RYR3: variants seen among roughly 807,000 people sequenced by gnomAD.
RYR3 encodes ryanodine receptor 3.
RYR3 carries 207 observed loss-of-function variants against 584.3 expected under a neutral mutation model. That is an observed-to-expected ratio of 0.35 (90% CI 0.32 to 0.40). The LOEUF (loss-of-function observed/expected upper bound fraction) is 0.40. Among genes scored for constraint, RYR3 ranks in the 10% least tolerant of loss-of-function variants. RYR3 has a pLI of 1.00. For synonymous variants in RYR3, 2,416 were observed against 2,248.5 expected, an observed-to-expected ratio of 1.07 and a Z score of -2.11; for missense variants, 5,616 against 6,089.2, an observed-to-expected ratio of 0.92 and a Z score of 2.59.
At position 33,861,387 on chromosome 15, in the gene RYR3, GC is replaced by G. The variant is rs199954831; in HGVS notation, c.14465+213del. Among the ~76,000 whole-genome samples the G allele has an allele frequency of 9.0e-3, 1,374 of 152,098 alleles. 17 individuals are homozygous for G. The highest frequency in any genetic ancestry group is 0.031 in the African/African-American group (1,286 of 41,466). The stretch of plus-strand genomic sequence containing the variant: ...AATTCCCGCTCCTAGCAAAAGGCCA[GC>G]CCCTCAACCTGTGATTGGATTCCAT... On this transcript the variant is annotated intron_variant, in intron 102 of 103. Transcript: ENST00000634891.
intron 87 of RYR3, 24 bp downstream of exon 87, chr15:33,835,096 G>C (rs1047520504): frequency 1.9e-6 from 3 of 1,544,952 alleles, no homozygotes; most frequent in South Asian, 2.2e-5. Flanking sequence ...TTCCCTGCAC[G>C]TGTCATTGTT....
At chr15:33,585,924 C>T in intron 15 of RYR3, 74 bp from the exon 16 acceptor site, 1 of 831,644 alleles carries the variant, frequency 1.2e-6, no homozygotes, top group Non-Finnish European at 2.1e-6. Context: ...ACTGTTCATA[C>T]TCAGGTTTCT....
chr15:33,779,904 G>A (rs1367060294), intron 64 of RYR3, among the ~76,000 whole-genome samples: 1 of 152,100 alleles, frequency 6.6e-6, no homozygotes, highest in African/African-American at 2.4e-5. Flanking sequence ...CCAGCTACTC[G>A]GGAGGCTGAG....
chr15:33,445,505 G>A (rs1460007254), intron 1 of RYR3, among the ~76,000 whole-genome samples: 2 of 152,038 alleles, frequency 1.3e-5, no homozygotes, highest in African/African-American at 4.8e-5. Flanking sequence ...CCCCTCTAGG[G>A]AATGTAGCAG....
intron 1 of RYR3, among the ~76,000 whole-genome samples, chr15:33,439,721 A>T (rs2046056243): frequency 6.6e-6 from 1 of 152,184 alleles, no homozygotes; most frequent in Non-Finnish European, 1.5e-5. Context: ...AATCAGAATG[A>T]TAATATGGAT....
At chr15:33,467,926 G>A (rs1443900497) in intron 1 of RYR3, among the ~76,000 whole-genome samples, 1 of 152,124 alleles carries the variant, frequency 6.6e-6, no homozygotes, top group Non-Finnish European at 1.5e-5. Flanking sequence ...AATGTGGTTT[G>A]ATCATGTGAC....
chr15:33,824,070 A>C (rs1020982022), intron 81 of RYR3, among the ~76,000 whole-genome samples: 1 of 152,184 alleles, frequency 6.6e-6, no homozygotes, highest in Admixed American at 6.5e-5. Flanking sequence ...GAAAACAAAA[A>C]GGAATATTTC....
intron 38 of RYR3, among the ~76,000 whole-genome samples, 151 bp downstream of exon 38, chr15:33,670,707 C>T (rs570247012): frequency 9.0e-4 from 137 of 152,168 alleles, no homozygotes; most frequent in African/African-American, 3.3e-3. Context: ...GGTTCAGTTA[C>T]GTATTTTGGG....
At chr15:33,572,969 T>C (rs11629524) in intron 12 of RYR3, among the ~76,000 whole-genome samples, 95,295 of 151,902 alleles carry the variant, frequency 0.63, 31,552 homozygotes, top group Middle Eastern at 0.75. Flanking sequence ...AGCGAAATTC[T>C]GTCTCAAAAA....
intron 70 of RYR3, among the ~76,000 whole-genome samples, chr15:33,809,972 T>G (rs2152943329): frequency 6.6e-6 from 1 of 152,296 alleles, no homozygotes; most frequent in Middle Eastern, 3.4e-3. Flanking sequence ...CAGCCCTGCT[T>G]TAGATTTTCC....
intron 10 of RYR3, among the ~76,000 whole-genome samples, chr15:33,553,327 G>A (rs1460958160): frequency 6.6e-6 from 1 of 152,148 alleles, no homozygotes; most frequent in Non-Finnish European, 1.5e-5. Flanking sequence ...TTTTCTGTCA[G>A]GTTGCATTAG....
intron 1 of RYR3, among the ~76,000 whole-genome samples, chr15:33,464,503 T>TATATATATATACACAC (rs1180164194): frequency 1.1e-4 from 12 of 105,934 alleles, no homozygotes; most frequent in African/African-American, 3.7e-4. Context: ...CATATATATA[T>TATATATATATACACAC]ACATACACAT....
Position 33,636,472 on chromosome 15 carries a change from A to G in RYR3, c.3478A>G (p.Ile1160Val), listed in dbSNP as rs2061504635. Residue 1160 changes from isoleucine to valine, a missense_variant, in exon 27 of 104, where the codon ATC becomes GTC. Ile to Val is a conservative substitution (Grantham distance 29). Around this residue, in one of 9 missense-constraint regions of RYR3, gnomAD observed 152 missense variants for 200.9 expected, o/e 0.76. Coordinates refer to ENST00000634891, the MANE Select transcript of RYR3 (RefSeq NM_001036.6). ...GATTAACCTGGATGATGCTTCAATGATCTTCACACTGAATGGGGAGCTGCT... is the reference window on the plus strand; with the variant it reads ...GATTAACCTGGATGATGCTTCAATGGTCTTCACACTGAATGGGGAGCTGCT... ...CMINLDDASM[I>V]FTLNGELLIT... The G allele has an allele frequency of 6.2e-7, 1 of 1,613,562 alleles. No individual in the cohort carries two copies. Among genetic ancestry groups the G allele is most frequent in the Non-Finnish European group, 8.5e-7 (1 of 1,179,696 alleles).
At chr15:33,565,053 T>C (rs2339307) in intron 11 of RYR3, among the ~76,000 whole-genome samples, 131,604 of 152,154 alleles carry the variant, frequency 0.86, 57,598 homozygotes, top group Middle Eastern at 0.98. Context: ...TTCCTATTCC[T>C]ATCTTAGGCT....
intron 92 of RYR3, 49 bp from the exon 93 acceptor site, chr15:33,844,813 G>A: frequency 6.5e-7 from 1 of 1,527,240 alleles, no homozygotes; most frequent in Non-Finnish European, 9.0e-7. Context: ...GAGCCCAATG[G>A]CTGAGGTTCT....
At chr15:33,595,445 A>G (rs769276319) in intron 16 of RYR3, among the ~76,000 whole-genome samples, 1 of 152,172 alleles carries the variant, frequency 6.6e-6, no homozygotes, top group Non-Finnish European at 1.5e-5. Flanking sequence ...AGGGGTCCAT[A>G]TACTGGTTTT....
At chr15:33,556,035 C>T (rs112057757) in intron 10 of RYR3, among the ~76,000 whole-genome samples, 12 of 45,264 alleles carry the variant, frequency 2.7e-4, no homozygotes, top group East Asian at 1.7e-3. Context: ...TCCAGAGACA[C>T]GTGGAAATAG....
Position 33,864,147 on chromosome 15 carries a change from G to C in RYR3, c.14475G>C (p.Leu4825=). 1 of 1,611,538 alleles carries C rather than the reference G, an allele frequency of 6.2e-7. No individual in the cohort carries two copies. The highest frequency in any genetic ancestry group is 8.5e-7 in the Non-Finnish European group (1 of 1,178,336). The change falls in exon 103 of 104, where the codon CTG becomes CTC. Residue 4825 remains leucine (L), a synonymous_variant. Coordinates refer to ENST00000634891, the MANE Select transcript of RYR3 (RefSeq NM_001036.6). ...CTTTTCCTCGTTCCAGGTTCTTTCT[G>C]ATGTATTTGATTAATAAAGATGAAA... ...EHNLANYLFF[L]MYLINKDETE... is the part of the protein sequence containing the mutation.
chr15:33,349,283 T>A (rs1306470877), intron 1 of RYR3, among the ~76,000 whole-genome samples: 4 of 152,124 alleles, frequency 2.6e-5, no homozygotes, highest in Non-Finnish European at 4.4e-5. Flanking sequence ...TTCAGCCTAA[T>A]TGGGTAAATT....
Sources: allele counts gnomAD v4.1 joint callset (sites outside exome capture counted in the v4.1 genomes callset), GRCh38; gene constraint gnomAD v4.1.1; regional missense constraint gnomAD v4.1.1; transcripts MANE v1.5; gene names NCBI Gene and HGNC (gene_info 2026-07-23, HGNC 2026-07-21).